ARID5B: variants seen among roughly 807,000 people sequenced by gnomAD.
ARID5B encodes AT-rich interaction domain 5B, also known as AT-rich interactive domain-containing protein 5B.
Under a neutral mutation model 97.2 loss-of-function variants are expected in ARID5B, and 13 were observed. That is an observed-to-expected ratio of 0.13 (90% CI 0.09 to 0.21). The LOEUF (loss-of-function observed/expected upper bound fraction) is 0.21, where lower values mean the gene tolerates loss of function less well. Among genes scored for constraint, ARID5B ranks in the 10% least tolerant of loss-of-function variants. The probability of loss-of-function intolerance (pLI) is 1.00; values close to 1 mark genes in which losing one functional copy is unlikely to be tolerated. For synonymous variants in ARID5B, 556 were observed against 570.3 expected (o/e 0.97, Z 0.36); for missense variants, 1,210 against 1,465.3 (o/e 0.83, Z 2.84).
At chr10:61,999,405 T>C (rs1839045707) in intron 3 of ARID5B, among the ~76,000 whole-genome samples, 1 of 152,206 alleles carries the variant, frequency 6.6e-6, no homozygotes, top group African/African-American at 2.4e-5. Flanking sequence ...CTAGCCTACC[T>C]TAAACGGGCT....
At chr10:62,019,060 A>G (rs1839320492) in intron 4 of ARID5B, among the ~76,000 whole-genome samples, 1 of 152,190 alleles carries the variant, frequency 6.6e-6, no homozygotes, top group African/African-American at 2.4e-5. Context: ...ATCAATCAGA[A>G]TACCAAATTT....
chr10:62,021,378 A>G (rs2132891909), intron 4 of ARID5B, among the ~76,000 whole-genome samples: 1 of 152,326 alleles, frequency 6.6e-6, no homozygotes, highest in Non-Finnish European at 1.5e-5. Context: ...CATCTTTAAA[A>G]TGTGTATATT....
intron 2 of ARID5B, among the ~76,000 whole-genome samples, chr10:61,910,944 G>A (rs1229000578): frequency 6.6e-6 from 1 of 152,112 alleles, no homozygotes; most frequent in Non-Finnish European, 1.5e-5. Context: ...CTCCATTCCT[G>A]TGCCCCAGTA....
In ARID5B at chr10:62,090,916, C is replaced by T. The variant is rs745793211; in HGVS notation, c.1453C>T (p.Pro485Ser). ...GACTTTAATAAGCCAGAAAAGCATCCCTGAGCCTCTCCCAGCAGCAGACAT... is the reference window on the plus strand; with the variant it reads ...GACTTTAATAAGCCAGAAAAGCATCTCTGAGCCTCTCCCAGCAGCAGACAT... ...QETLISQKSI[P>S]EPLPAADMKK... The change falls in exon 10 of 10, where the codon CCT (proline) becomes TCT (serine). Residue 485 changes from proline (P) to serine (S), a missense_variant. By Grantham distance (74) the Pro-to-Ser change is moderately conservative. This residue lies in a region of ARID5B where 800 missense variants were observed against 839.1 expected (regional missense o/e 0.95). Transcript: ENST00000279873. The T allele has an allele frequency of 6.2e-7, 1 of 1,612,268 alleles. No homozygotes were observed.
chr10:61,905,458 TG>T (rs1843693630), intron 2 of ARID5B, among the ~76,000 whole-genome samples: 1 of 151,862 alleles, frequency 6.6e-6, no homozygotes, highest in South Asian at 2.1e-4. Context: ...TTTTTTTTTT[TG>T]GAATATTTTC....
At position 61,998,837 on chromosome 10, in the gene ARID5B, C is replaced by T. The variant is rs115654487; in HGVS notation, c.503-1254C>T. 4.9e-3 allele frequency among the ~76,000 whole-genome samples: 744 copies of T among 152,242 alleles called. 4 individuals are homozygous for T. The highest frequency in any genetic ancestry group is 0.017 in the African/African-American group (715 of 41,534). On this transcript the variant is annotated intron_variant, in intron 3 of 9. Transcript: ENST00000279873. ...ATCAATCAAGTTGGGCTAGATCATG[C>T]TGCAATAACAAATGACCCCCAAATC...
At chr10:62,012,347 TACAAA>T (rs370186883) in intron 4 of ARID5B, among the ~76,000 whole-genome samples, 2 of 151,970 alleles carry the variant, frequency 1.3e-5, no homozygotes, top group South Asian at 2.1e-4. Context: ...ATCCCTTCTC[TACAAA>T]ACAAAACAAA....
chr10:62,035,075 T>C (rs1236631276), intron 4 of ARID5B, among the ~76,000 whole-genome samples: 9 of 152,240 alleles, frequency 5.9e-5, no homozygotes, highest in African/African-American at 1.9e-4. Context: ...TGACAATAGC[T>C]GGGTCTCAGA....
chr10:61,956,076 A>G (rs900616082), intron 3 of ARID5B, among the ~76,000 whole-genome samples: 1 of 152,204 alleles, frequency 6.6e-6, no homozygotes, highest in Admixed American at 6.5e-5. Context: ...TGAAAAATAA[A>G]TTTGACTATA....
In ARID5B at chr10:61,937,102, G is replaced by A. The variant is rs1484401126; in HGVS notation, c.277-3081G>A. On this transcript the variant is annotated intron_variant, in intron 2 of 9. Transcript: ENST00000279873. The stretch of plus-strand genomic sequence containing the variant: ...AATGAGAAAGGTGAACTAAATCAAT[G>A]TTACAAGTTTAAATGTCTGGTGCCC... 2.6e-5 allele frequency among the ~76,000 whole-genome samples: 4 copies of A among 152,282 alleles called. No individual in the cohort carries two copies. The East Asian group carries it at 5.8e-4, about 22-fold the overall frequency.
intron 8 of ARID5B, among the ~76,000 whole-genome samples, chr10:62,072,373 TCC>T (rs1840076658): frequency 6.6e-6 from 1 of 152,196 alleles, no homozygotes; most frequent in Non-Finnish European, 1.5e-5. Flanking sequence ...TCCTTTTCTC[TCC>T]CTGCCTCCCA....
Position 61,948,157 on chromosome 10 carries a change from G to A in ARID5B, c.502+7749G>A, listed in dbSNP as rs1449751853. ...TCCAGGCTACCAGTATTTACCTCTA[G>A]GATACAATGTATGCAAAAGGAGTAA... On this transcript the variant is annotated intron_variant, in intron 3 of 9. Transcript: ENST00000279873. 2.0e-5 allele frequency among the ~76,000 whole-genome samples: 3 copies of A among 152,084 alleles called. No homozygotes were observed. In the East Asian group the frequency reaches 5.8e-4, roughly 29 times the overall value.
chr10:62,091,025 A>G lies in ARID5B; in HGVS notation c.1562A>G (p.Asp521Gly). Residue 521 changes from aspartate (D) to glycine (G), a missense_variant, in exon 10 of 10, where the codon GAC (aspartate) becomes GGC (glycine). Transcript: ENST00000279873. ...GACCCAGAGAAGGACAACGAAACAG[A>G]CCAAGGTTCCAACAGTGAGAAGGTG... ...RVDPEKDNET[D>G]QGSNSEKVAE... 3.7e-6 allele frequency: 6 copies of G among 1,614,150 alleles called. No individual in the cohort carries two copies. Among genetic ancestry groups the G allele is most frequent in the Non-Finnish European group, 5.1e-6 (6 of 1,180,016 alleles).
chr10:61,937,932 A>G (rs917347207), intron 2 of ARID5B, among the ~76,000 whole-genome samples: 3 of 152,064 alleles, frequency 2.0e-5, no homozygotes, highest in African/African-American at 7.2e-5. Context: ...ATTTCCTTCT[A>G]TGGCATTTGA....
At chr10:61,936,306 C>T (rs1285584839) in intron 2 of ARID5B, among the ~76,000 whole-genome samples, 3 of 152,194 alleles carry the variant, frequency 2.0e-5, no homozygotes, top group African/African-American at 7.2e-5. Context: ...CAATGAAAAA[C>T]TTAATATACA....
intron 3 of ARID5B, among the ~76,000 whole-genome samples, chr10:61,979,109 G>A (rs1287162345): frequency 3.3e-5 from 5 of 151,998 alleles, no homozygotes; most frequent in Non-Finnish European, 5.9e-5. Flanking sequence ...AGAATTCCAC[G>A]GGAGACCCGA....
At chr10:62,063,436 A>G (rs1478494674) in intron 7 of ARID5B, among the ~76,000 whole-genome samples, 1 of 152,134 alleles carries the variant, frequency 6.6e-6, no homozygotes, top group Non-Finnish European at 1.5e-5. Context: ...GTTATAAACT[A>G]TTCCAAACCT....
chr10:61,970,903 T>C (rs990059430), intron 3 of ARID5B, among the ~76,000 whole-genome samples: 5 of 152,126 alleles, frequency 3.3e-5, no homozygotes, highest in African/African-American at 1.2e-4. Flanking sequence ...ACAAAAGTAA[T>C]TGTTTCCTTT....
intron 8 of ARID5B, among the ~76,000 whole-genome samples, chr10:62,080,929 TC>T (rs1840205094): frequency 6.6e-6 from 1 of 152,028 alleles, no homozygotes; most frequent in Non-Finnish European, 1.5e-5. Flanking sequence ...TTCAAGCAAT[TC>T]TCCTGCCTCA....
Sources: allele counts gnomAD v4.1 joint callset (sites outside exome capture counted in the v4.1 genomes callset), GRCh38; gene constraint gnomAD v4.1.1; regional missense constraint gnomAD v4.1.1; transcripts MANE v1.5; gene names NCBI Gene and HGNC (gene_info 2026-07-23, HGNC 2026-07-21).